SGPP2: variants seen among roughly 807,000 people sequenced by gnomAD.
The protein encoded by SGPP2 is sphingosine-1-phosphate phosphatase 2, also known as sphingosine 1-phosphate phosphohydrolase 2.
A neutral mutation model predicts 33.9 loss-of-function variants in SGPP2; 30 were observed. The observed-to-expected ratio is 0.89, with a 90% CI of 0.66 to 1.20. The LOEUF is 1.20. SGPP2 is among the 50% of genes most tolerant of loss of function. The probability of loss-of-function intolerance (pLI) is 0.00; values close to 1 mark genes in which losing one functional copy is unlikely to be tolerated. For missense variants in SGPP2, 458 were observed against 532.1 expected (o/e 0.86, Z 1.37); for synonymous variants, 233 against 225.0 (o/e 1.04, Z -0.32).
At chr2:222,512,054 G>A (rs749166790) in intron 2 of SGPP2, among the ~76,000 whole-genome samples, 10 of 150,586 alleles carry the variant, frequency 6.6e-5, no homozygotes, top group African/African-American at 9.8e-5. Context: ...TTGCTCTGTC[G>A]CCCAGGCTGG....
intron 2 of SGPP2, among the ~76,000 whole-genome samples, chr2:222,479,548 G>A (rs1257159550): frequency 4.0e-5 from 6 of 151,290 alleles, no homozygotes; most frequent in Non-Finnish European, 7.4e-5. Context: ...GACAACAGGC[G>A]CCCACCCCCA....
chr2:222,554,376 G>A (rs186844141), intron 4 of SGPP2, among the ~76,000 whole-genome samples: 1 of 152,304 alleles, frequency 6.6e-6, no homozygotes, highest in Admixed American at 6.5e-5. Flanking sequence ...TCAATTTCAT[G>A]AGTCCTCTAT....
At position 222,432,240 on chromosome 2, in the gene SGPP2, T is replaced by TGTTA. The variant is rs1284175273; in HGVS notation, c.219+7421_219+7424dup. Among the ~76,000 whole-genome samples, 2 of 152,180 alleles carry TGTTA rather than the reference T, an allele frequency of 1.3e-5. 1 individual carries two copies. Among genetic ancestry groups the TGTTA allele is most frequent in the East Asian group, 3.8e-4 (2 of 5,196 alleles). On this transcript the variant is annotated intron_variant, in intron 1 of 4. Coordinates refer to ENST00000321276, the MANE Select transcript of SGPP2 (RefSeq NM_152386.4). Reference sequence around the variant, plus strand: ...GGTGAAGCCTTTTAAGAAATAGTGATGTTAGATTCAAGCAGCAACAAATGT... The same window carrying TGTTA: ...GGTGAAGCCTTTTAAGAAATAGTGATGTTAGTTAGATTCAAGCAGCAACAAATGT...
chr2:222,479,399 CTTTTTT>C (rs568165167), intron 2 of SGPP2, among the ~76,000 whole-genome samples: 1 of 114,896 alleles, frequency 8.7e-6, no homozygotes, highest in African/African-American at 3.6e-5. Context: ...ATCTACCCTT[CTTTTTT>C]TTTTTTTTTT....
In SGPP2 at chr2:222,558,680, T is replaced by C. The variant is rs188535288; in HGVS notation, c.982T>C (p.Phe328Leu). 1 of 1,614,172 alleles carries C rather than the reference T, an allele frequency of 6.2e-7. No individual in the cohort carries two copies. Among genetic ancestry groups the C allele is most frequent in the Non-Finnish European group, 8.5e-7 (1 of 1,180,026 alleles). ...CATGTTAGTTTTGGGTCTGACCAAA[T>C]TTGCAGTGGGAATTGTGTTGATCCT... Reference protein sequence around the residue: ...TYMLVLGLTKFAVGIVLILLV... With the variant: ...TYMLVLGLTKLAVGIVLILLV... The change falls in exon 5 of 5, where the codon TTT (phenylalanine) becomes CTT (leucine). Residue 328 changes from phenylalanine to leucine, a missense_variant. Transcript: ENST00000321276.
chr2:222,530,340 C>A (rs1698820179), intron 4 of SGPP2, among the ~76,000 whole-genome samples: 1 of 152,198 alleles, frequency 6.6e-6, no homozygotes, highest in African/African-American at 2.4e-5. Flanking sequence ...TGTGAAAGTC[C>A]TAGATGGCAT....
chr2:222,469,686 C>T (rs1697808959), intron 1 of SGPP2, among the ~76,000 whole-genome samples: 1 of 152,162 alleles, frequency 6.6e-6, no homozygotes. Flanking sequence ...TAATTGTTCC[C>T]AGTAGGAACA....
chr2:222,541,550 A>G (rs1698996929), intron 4 of SGPP2, among the ~76,000 whole-genome samples: 2 of 152,178 alleles, frequency 1.3e-5, no homozygotes, highest in Non-Finnish European at 2.9e-5. Flanking sequence ...GTATAGGACA[A>G]GAAATGTGCA....
At chr2:222,467,813 G>T (rs1008368797) in intron 1 of SGPP2, among the ~76,000 whole-genome samples, 10 of 151,666 alleles carry the variant, frequency 6.6e-5, no homozygotes, top group African/African-American at 2.4e-4. Flanking sequence ...AGCTCTTTCT[G>T]CTGTTTCCAA....
chr2:222,558,678 A>T lies in SGPP2; in HGVS notation c.980A>T (p.Lys327Ile). 1 of 1,614,104 alleles carries T rather than the reference A, an allele frequency of 6.2e-7. No individual in the cohort carries two copies. Among genetic ancestry groups the T allele is most frequent in the South Asian group, 1.1e-5 (1 of 91,076 alleles). ...TACATGTTAGTTTTGGGTCTGACCA[A>T]ATTTGCAGTGGGAATTGTGTTGATC... ...TTYMLVLGLT[K>I]FAVGIVLILL... The change falls in exon 5 of 5, where the codon AAA becomes ATA. Residue 327 changes from lysine (K) to isoleucine (I), a missense_variant. Lys to Ile is a moderately radical substitution (Grantham distance 102). Transcript: ENST00000321276.
chr2:222,427,054 T>G (rs1183821461), intron 1 of SGPP2, among the ~76,000 whole-genome samples: 1 of 152,244 alleles, frequency 6.6e-6, no homozygotes, highest in African/African-American at 2.4e-5. Flanking sequence ...CTTTCTGCAT[T>G]TCTTCATTAC....
intron 1 of SGPP2, among the ~76,000 whole-genome samples, chr2:222,438,042 AAACTGGCAGCTTTTT>A (rs1697271161): frequency 6.6e-6 from 1 of 152,152 alleles, no homozygotes; most frequent in Non-Finnish European, 1.5e-5. Context: ...ACCCCACTCA[AAACTGGCAGCTTTTT>A]AGGTCACTTG....
chr2:222,518,003 T>C (rs1698631675), intron 2 of SGPP2, among the ~76,000 whole-genome samples: 2 of 152,230 alleles, frequency 1.3e-5, no homozygotes. Context: ...TCTTATTGTG[T>C]CACCATTTTC....
intron 4 of SGPP2, among the ~76,000 whole-genome samples, chr2:222,532,862 A>G (rs1698859168): frequency 1.3e-5 from 2 of 152,148 alleles, no homozygotes; most frequent in Admixed American, 6.5e-5. Flanking sequence ...TGTCCATGCC[A>G]AAGTATGGAA....
chr2:222,495,989 T>C (rs1698273821), intron 2 of SGPP2, among the ~76,000 whole-genome samples: 2 of 152,336 alleles, frequency 1.3e-5, no homozygotes, highest in East Asian at 1.9e-4. Context: ...TTGTTCATTC[T>C]TCCCTAAGTA....
chr2:222,453,120 A>T, intron 1 of SGPP2: 1 of 840,998 alleles, frequency 1.2e-6, no homozygotes, highest in Non-Finnish European at 2.1e-6. Context: ...GACTATCCTC[A>T]GATCCATGGA....
chr2:222,473,101 G>A (rs1414047748), intron 1 of SGPP2, among the ~76,000 whole-genome samples: 2 of 152,222 alleles, frequency 1.3e-5, no homozygotes, highest in African/African-American at 2.4e-5. Flanking sequence ...ACACCCAGGA[G>A]TGAGTGAATA....
At chr2:222,506,530 T>G (rs936116232) in intron 2 of SGPP2, among the ~76,000 whole-genome samples, 1 of 152,244 alleles carries the variant, frequency 6.6e-6, no homozygotes, top group Non-Finnish European at 1.5e-5. Flanking sequence ...TTATGATTTC[T>G]TAATAACTTT....
At chr2:222,556,404 A>G (rs1689399808) in intron 4 of SGPP2, among the ~76,000 whole-genome samples, 4 of 151,258 alleles carry the variant, frequency 2.6e-5, no homozygotes, top group Non-Finnish European at 5.9e-5. Context: ...CGGTCAGGAC[A>G]CTCAACTCTT....
Sources: gnomAD v4.1 joint callset for allele counts (sites outside exome capture counted in the v4.1 genomes callset) on GRCh38, gnomAD v4.1.1 for gene constraint, MANE v1.5 for transcripts, NCBI Gene and HGNC (gene_info 2026-07-23, HGNC 2026-07-21) for gene names.